Variants in PTPN5 observed in about 807,000 individuals in gnomAD.
The protein encoded by PTPN5 is protein tyrosine phosphatase non-receptor type 5.
PTPN5 carries 29 observed loss-of-function variants against 73.9 expected under a neutral mutation model. The ratio of observed to expected loss-of-function variants is 0.39; its 90% CI spans 0.29 to 0.54. The LOEUF (loss-of-function observed/expected upper bound fraction) is 0.54, where lower values mean the gene tolerates loss of function less well. PTPN5 is among the 20% of genes least tolerant of loss of function. PTPN5 has a pLI of 0.65. For missense variants in PTPN5, 652 were observed against 751.4 expected, an observed-to-expected ratio of 0.87 and a Z score of 1.55; for synonymous variants, 267 against 304.7, an observed-to-expected ratio of 0.88 and a Z score of 1.29.
In PTPN5 at chr11:18,742,173, C is replaced by A; in HGVS notation, c.725+89G>T. 7 of 1,558,234 alleles carry A rather than the reference C, an allele frequency of 4.5e-6. No individual in the cohort carries two copies. The highest frequency in any genetic ancestry group is 6.1e-6 in the Non-Finnish European group (7 of 1,145,544). ...TATAAGGCCAGCTCTGCCCTGGGCA[C>A]CAGGAGTCAGAGTCAGGCATCCACT... On this transcript the variant is annotated intron_variant, in intron 7 of 14. Coordinates refer to ENST00000358540, the MANE Select transcript of PTPN5 (RefSeq NM_006906.2). The surrounding 1 kb of genome is among the most constrained non-coding windows in gnomAD (Gnocchi z 4.1).
intron 1 of PTPN5, among the ~76,000 whole-genome samples, chr11:18,776,370 C>A (rs1286337137): frequency 6.6e-6 from 1 of 151,982 alleles, no homozygotes; most frequent in East Asian, 1.9e-4. Flanking sequence ...TCAATAGAAC[C>A]CTCCCCAACT....
At chr11:18,737,242 G>A (rs1017026499) in intron 9 of PTPN5, among the ~76,000 whole-genome samples, 1 of 152,162 alleles carries the variant, frequency 6.6e-6, no homozygotes, top group Admixed American at 6.5e-5. Flanking sequence ...GGAGCATCAG[G>A]TCACCTGGTC....
chr11:18,789,278 A>G (rs1004109617), intron 1 of PTPN5, among the ~76,000 whole-genome samples: 2 of 152,216 alleles, frequency 1.3e-5, no homozygotes, highest in Non-Finnish European at 2.9e-5. Context: ...TCCTTCATAA[A>G]GCAAAAGAAG....
intron 3 of PTPN5, chr11:18,749,599 G>A: frequency 2.1e-6 from 1 of 467,786 alleles, no homozygotes; most frequent in African/African-American, 2.0e-5. Flanking sequence ...TGGAGGGAAG[G>A]AAGCAAGCCC....
chr11:18,780,474 C>G (rs1055750918), intron 1 of PTPN5, among the ~76,000 whole-genome samples: 3 of 152,114 alleles, frequency 2.0e-5, no homozygotes, highest in African/African-American at 4.8e-5. Flanking sequence ...GCCCCTGCCC[C>G]CCGCCTAATT....
intron 1 of PTPN5, among the ~76,000 whole-genome samples, chr11:18,775,475 CAGA>C (rs573802056): frequency 2.4e-4 from 37 of 152,304 alleles, no homozygotes; most frequent in African/African-American, 8.4e-4. Flanking sequence ...CTGTTCTCCC[CAGA>C]AGAACGACTG....
intron 3 of PTPN5, among the ~76,000 whole-genome samples, chr11:18,752,806 C>A (rs4757709): frequency 5.9e-5 from 9 of 152,016 alleles, no homozygotes; most frequent in Admixed American, 4.6e-4. Flanking sequence ...AGAGGCCCTG[C>A]GGCAGGGAGG....
intron 12 of PTPN5, chr11:18,730,319 G>A (rs566176468): frequency 6.2e-4 from 123 of 199,156 alleles, no homozygotes; most frequent in African/African-American, 2.7e-3. Flanking sequence ...ATCATTGCTC[G>A]AGTGTGGGAG....
intron 3 of PTPN5, among the ~76,000 whole-genome samples, chr11:18,764,839 A>G (rs937801721): frequency 4.6e-5 from 7 of 152,060 alleles, no homozygotes; most frequent in African/African-American, 7.2e-5. Flanking sequence ...CAGCCTCCCA[A>G]GTAGCTGGGA....
At chr11:18,743,214 G>T in intron 5 of PTPN5, 108 bp downstream of exon 5, 1 of 1,257,924 alleles carries the variant, frequency 7.9e-7, no homozygotes, top group Non-Finnish European at 1.2e-6. Context: ...TCAGGGGCTT[G>T]GAAGTATCTT....
chr11:18,762,682 G>A (rs1850453610), intron 3 of PTPN5, among the ~76,000 whole-genome samples: 2 of 152,138 alleles, frequency 1.3e-5, no homozygotes, highest in Admixed American at 1.3e-4. Context: ...AATAGCAAAT[G>A]TCTGTACAGC....
chr11:18,756,231 T>C (rs1038460805), intron 3 of PTPN5, among the ~76,000 whole-genome samples: 34 of 151,836 alleles, frequency 2.2e-4, no homozygotes, highest in African/African-American at 8.2e-4. Flanking sequence ...CTGGCTTATG[T>C]CTGGTTCAGA....
chr11:18,753,638 G>A (rs1440216736), intron 3 of PTPN5, among the ~76,000 whole-genome samples: 1 of 152,206 alleles, frequency 6.6e-6, no homozygotes, highest in Non-Finnish European at 1.5e-5. Context: ...AAGCAGAAAA[G>A]TCTGGAAACT....
chr11:18,743,183 T>G, intron 5 of PTPN5, 108 bp from the exon 6 acceptor site: 1 of 1,214,714 alleles, frequency 8.2e-7, no homozygotes, highest in South Asian at 1.2e-5. Flanking sequence ...AGGTCTGGGA[T>G]GGGGAGCAGG....
intron 8 of PTPN5, among the ~76,000 whole-genome samples, chr11:18,740,080 G>A (rs757106851): frequency 1.3e-5 from 2 of 152,184 alleles, no homozygotes; most frequent in Non-Finnish European, 2.9e-5. Context: ...AGGTAAACAG[G>A]GGTGCCATTT....
chr11:18,732,816 A>G, intron 11 of PTPN5, 114 bp from the exon 12 acceptor site: 1 of 830,206 alleles, frequency 1.2e-6, no homozygotes, highest in Admixed American at 2.2e-5. Context: ...GCTGCTACAG[A>G]GTGTTGGGTT....
At chr11:18,769,399 A>T (rs945961722) in intron 2 of PTPN5, among the ~76,000 whole-genome samples, 16 of 150,864 alleles carry the variant, frequency 1.1e-4, no homozygotes, top group Non-Finnish European at 1.8e-4. Context: ...TTTTTTTTTA[A>T]ATTAATTAAT....
intron 1 of PTPN5, among the ~76,000 whole-genome samples, chr11:18,784,999 G>T (rs887480219): frequency 2.0e-5 from 3 of 151,982 alleles, no homozygotes; most frequent in Non-Finnish European, 4.4e-5. Flanking sequence ...GGCTGCAGGT[G>T]TGCGCCACCA....
chr11:18,751,744 T>C (rs1208464896), intron 3 of PTPN5, among the ~76,000 whole-genome samples: 1 of 152,230 alleles, frequency 6.6e-6, no homozygotes, highest in African/African-American at 2.4e-5. Context: ...GCTCACCACT[T>C]ATCAGCTACA....
Sources: gnomAD v4.1 joint callset for allele counts (sites outside exome capture counted in the v4.1 genomes callset) on GRCh38, gnomAD v4.1.1 for gene constraint, Gnocchi (gnomAD v3.1) non-coding constraint, MANE v1.5 for transcripts, NCBI Gene and HGNC (gene_info 2026-07-23, HGNC 2026-07-21) for gene names.